Variants in KBTBD8 observed in about 807,000 individuals in gnomAD.
KBTBD8 encodes the protein kelch repeat and BTB domain containing 8.
In KBTBD8, 31 loss-of-function variants were observed where a neutral mutation model predicts 53.5. The observed-to-expected ratio is 0.58, with a 90% CI of 0.44 to 0.78. The LOEUF is 0.78. Ranked by LOEUF, KBTBD8 falls within the 30% of genes least tolerant of loss-of-function variation. KBTBD8 has a pLI of 0.00. For missense variants in KBTBD8, 642 were observed against 735.8 expected, an observed-to-expected ratio of 0.87 and a Z score of 1.48; for synonymous variants, 250 against 247.3, an observed-to-expected ratio of 1.01 and a Z score of -0.10.
At position 67,004,189 on chromosome 3, in the gene KBTBD8, C is replaced by A. The variant is rs768524380; in HGVS notation, c.1222C>A (p.Leu408Ile). 1 of 1,614,188 alleles carries A rather than the reference C, an allele frequency of 6.2e-7. No individual in the cohort carries two copies. The highest frequency in any genetic ancestry group is 1.1e-5 in the South Asian group (1 of 91,076). Residue 408 changes from leucine to isoleucine, a missense_variant, in exon 3 of 4, where the codon CTA becomes ATA. Transcript: ENST00000417314. ...TTATGAAGGTGATGGGAGAAACTCA[C>A]TAAAATCTGTTGAGTGCTACGACAG... The part of the protein sequence containing the change: ...RVYEGDGRNS[L>I]KSVECYDSRE...
At chr3:67,000,576 A>G (rs1702008133) in intron 2 of KBTBD8, among the ~76,000 whole-genome samples, 1 of 152,172 alleles carries the variant, frequency 6.6e-6, no homozygotes, top group African/African-American at 2.4e-5. Context: ...TGCCTAAATC[A>G]TCTATCCAAC....
chr3:67,001,927 T>C (rs554670497), intron 2 of KBTBD8, among the ~76,000 whole-genome samples: 1 of 152,308 alleles, frequency 6.6e-6, no homozygotes, highest in East Asian at 1.9e-4. Flanking sequence ...CTGGATCATC[T>C]AGAATGAAAC....
chr3:67,007,808 G>A, intron 3 of KBTBD8, 114 bp from the exon 4 acceptor site: 1 of 594,424 alleles, frequency 1.7e-6, no homozygotes. Context: ...GTTTTAGAAA[G>A]TGAAATATAT....
chr3:67,007,919 T>TA lies in KBTBD8; in HGVS notation c.1343-2dup. The stretch of plus-strand genomic sequence containing the variant: ...ATTCTTGTTTTCTTTTTTTTTTTTT[T>TA]AGGAGAATTTTTTCTCTTCTATGAG... On this transcript the variant is annotated splice_region_variant and splice_polypyrimidine_tract_variant and intron_variant, in intron 3 of 3. Transcript: ENST00000417314. The TA allele has an allele frequency of 1.4e-6, 2 of 1,457,560 alleles. No individual in the cohort carries two copies. The highest frequency in any genetic ancestry group is 1.8e-6 in the Non-Finnish European group (2 of 1,086,200). 90.3% of individuals were successfully genotyped at this position (1,457,560 alleles called of 1,614,324 possible).
chr3:66,999,087 A>C lies in KBTBD8; in HGVS notation c.123A>C (p.Thr41=), dbSNP rs1245204482. ...GCAGTATTCTTAAGCAACTCAAAAC[A>C]ATGTACGATGAAGGACAGTTGACAG... ...HACSILKQLK[T]MYDEGQLTDI... The change falls in exon 2 of 4, where the codon ACA becomes ACC. Residue 41 remains threonine, a synonymous_variant. Coordinates refer to ENST00000417314, the MANE Select transcript of KBTBD8 (RefSeq NM_032505.3). The C allele has an allele frequency of 6.2e-7, 1 of 1,614,176 alleles. No individual in the cohort carries two copies. The highest frequency in any genetic ancestry group is 1.7e-5 in the Admixed American group (1 of 60,026).
intron 3 of KBTBD8, 149 bp from the exon 4 acceptor site, chr3:67,007,773 T>C (rs1246622448): frequency 3.6e-6 from 2 of 555,244 alleles, no homozygotes; most frequent in Non-Finnish European, 6.3e-6. Context: ...CATATGAATG[T>C]ATCTCTGGAG....
rs950208395 is a variant in KBTBD8 at position 67,010,831 on chromosome 3, T to C, written c.*2446T>C. 6.6e-6 allele frequency: 1 copy of C among 152,650 alleles called. No homozygotes were observed. Among genetic ancestry groups the C allele is most frequent in the African/African-American group, 2.4e-5 (1 of 41,454 alleles). 9.5% of individuals were successfully genotyped at this position (152,650 alleles called of 1,614,324 possible). ...TTCCACTTTAACTTTGTTTTTGCATTTGAAGAATGTATGTAGCACTTTCCT... is the reference window on the plus strand; with the variant it reads ...TTCCACTTTAACTTTGTTTTTGCATCTGAAGAATGTATGTAGCACTTTCCT... On this transcript the variant is annotated 3_prime_UTR_variant, in exon 4 of 4. Transcript: ENST00000417314.
chr3:67,004,429 A>C (rs952167304), intron 3 of KBTBD8, 120 bp downstream of exon 3: 147 of 900,824 alleles, frequency 1.6e-4, no homozygotes, highest in Non-Finnish European at 2.0e-4. Context: ...CTTCCTTATC[A>C]AACTATTGGA....
chr3:67,001,175 C>A (rs1369426437), intron 2 of KBTBD8, among the ~76,000 whole-genome samples: 2 of 152,040 alleles, frequency 1.3e-5, no homozygotes, highest in Admixed American at 1.3e-4. Flanking sequence ...TGGCTAGAAA[C>A]CTCAAGGATT....
rs375604670 is a variant in KBTBD8 at position 67,008,577 on chromosome 3, TAAC to T, written c.*195_*197del. On this transcript the variant is annotated 3_prime_UTR_variant, in exon 4 of 4. Coordinates refer to ENST00000417314, the MANE Select transcript of KBTBD8 (RefSeq NM_032505.3). The stretch of plus-strand genomic sequence containing the variant: ...ACATTTCATTTCAGTAAGGAAAAGA[TAAC>T]AAAGTGCAATTATCAGCATTTTTTT... The T allele has an allele frequency of 7.7e-4, 398 of 518,002 alleles. 5 individuals are homozygous for T. In the East Asian group the frequency reaches 8.8e-3, roughly 11 times the overall value. 32.1% of individuals were successfully genotyped at this position (518,002 alleles called of 1,614,324 possible).
In KBTBD8 at chr3:67,009,891, A is replaced by G. The variant is rs934428824; in HGVS notation, c.*1506A>G. On this transcript the variant is annotated 3_prime_UTR_variant, in exon 4 of 4. Transcript: ENST00000417314. The stretch of plus-strand genomic sequence containing the variant: ...ATGGTTCGTATTTTAAAAATCTTGC[A>G]CAAATTGTAATGTGATACTGTGAAA... The G allele has an allele frequency of 2.0e-5, 3 of 152,624 alleles. No homozygotes were observed. Among genetic ancestry groups the G allele is most frequent in the Non-Finnish European group, 4.4e-5 (3 of 68,014 alleles). The allele number at this position is 152,624 out of a possible 1,614,324, so 9.5% of individuals were successfully genotyped here.
chr3:67,001,579 TA>T (rs1702019177), intron 2 of KBTBD8, among the ~76,000 whole-genome samples: 3 of 152,204 alleles, frequency 2.0e-5, no homozygotes, highest in African/African-American at 4.8e-5. Context: ...CTTTGGGAGT[TA>T]ATGTCTCCCT....
chr3:66,998,856 C>A (rs1701988257), intron 1 of KBTBD8, 125 bp from the exon 2 acceptor site: 1 of 741,502 alleles, frequency 1.3e-6, no homozygotes, highest in South Asian at 1.7e-5. Flanking sequence ...TGCGTATATC[C>A]ACAGACATTT....
chr3:66,998,333 TGGAGTC>T lies in KBTBD8; in HGVS notation c.-20_-15del. 1 of 1,290,398 alleles carries T rather than the reference TGGAGTC, an allele frequency of 7.7e-7. No individual in the cohort carries two copies. The highest frequency in any genetic ancestry group is 1.6e-5 in the African/African-American group (1 of 64,264). 79.9% of individuals were successfully genotyped at this position (1,290,398 alleles called of 1,614,324 possible). A position where few individuals can be genotyped will look rare whatever the true frequency, so the allele number is the denominator to read the frequency against. ...AAATGACATTTCCTTTTTAAATAGC[TGGAGTC>T]GGGGCCCCATCGAGAAATGGCCGCG... On this transcript the variant is annotated 5_prime_UTR_variant, in exon 1 of 4. Transcript: ENST00000417314.
chr3:67,002,305 TA>T (rs1383358990), intron 2 of KBTBD8, among the ~76,000 whole-genome samples: 1 of 152,132 alleles, frequency 6.6e-6, no homozygotes, highest in African/African-American at 2.4e-5. Context: ...TTATAATGGT[TA>T]AGGCAGCATT....
In KBTBD8 at chr3:67,003,333, C is replaced by G. The variant is rs768909059; in HGVS notation, c.366C>G (p.Ala122=). The G allele has an allele frequency of 9.3e-6, 15 of 1,614,052 alleles. No individual in the cohort carries two copies. In the South Asian group the frequency reaches 1.5e-4, roughly 17 times the overall value. ...RVILTEANVQ[A]LFTAASIFQI... ...TTCTTACAGAGGCCAATGTTCAAGC[C>G]TTGTTCACTGCAGCTAGCATCTTCC... Residue 122 remains alanine (A), a synonymous_variant, in exon 3 of 4, where the codon GCC becomes GCG. Coordinates refer to ENST00000417314, the MANE Select transcript of KBTBD8 (RefSeq NM_032505.3).
intron 2 of KBTBD8, among the ~76,000 whole-genome samples, chr3:67,002,589 G>A (rs1335004485): frequency 1.6e-5 from 2 of 123,572 alleles, no homozygotes; most frequent in Non-Finnish European, 1.6e-5. Context: ...TGCAACCTCC[G>A]CCTTCCGGGT....
intron 3 of KBTBD8, among the ~76,000 whole-genome samples, chr3:67,004,859 G>GTCTTCAAGTT (rs1702050242): frequency 6.6e-6 from 1 of 152,190 alleles, no homozygotes; most frequent in African/African-American, 2.4e-5. Flanking sequence ...TGGAAGTATG[G>GTCTTCAAGTT]TCTTCAAGTT....
In KBTBD8 at chr3:67,000,957, A is replaced by T. The variant is rs995683781; in HGVS notation, c.227+1766A>T. ...TTATTAGTAACTTTACATAAGTATGACATTTTCACCTTGCAGTTTCATTTT... is the reference window on the plus strand; with the variant it reads ...TTATTAGTAACTTTACATAAGTATGTCATTTTCACCTTGCAGTTTCATTTT... On this transcript the variant is annotated intron_variant, in intron 2 of 3. Coordinates refer to ENST00000417314, the MANE Select transcript of KBTBD8 (RefSeq NM_032505.3). Among the ~76,000 whole-genome samples the T allele has an allele frequency of 3.3e-5, 5 of 152,022 alleles. No individual in the cohort carries two copies. In the South Asian group the frequency reaches 8.3e-4, roughly 25 times the overall value.
Sources: allele counts gnomAD v4.1 joint callset (sites outside exome capture counted in the v4.1 genomes callset), GRCh38; gene constraint gnomAD v4.1.1; transcripts MANE v1.5; gene names NCBI Gene and HGNC (gene_info 2026-07-23, HGNC 2026-07-21).